Variants in ASF1B observed in about 807,000 individuals in gnomAD.
ASF1B encodes anti-silencing function 1B histone chaperone, also known as histone chaperone ASF1B.
ASF1B carries 10 observed loss-of-function variants against 16.6 expected under a neutral mutation model. That is an observed-to-expected ratio of 0.60 (90% CI 0.37 to 1.02). ASF1B has a LOEUF of 1.02. Ranked by LOEUF, ASF1B falls within the 50% of genes least tolerant of loss-of-function variation. The pLI is 0.01. For missense variants in ASF1B, 240 were observed against 266.0 expected, an observed-to-expected ratio of 0.90 and a Z score of 0.68; for synonymous variants, 101 against 106.2, an observed-to-expected ratio of 0.95 and a Z score of 0.30.
intron 1 of ASF1B, among the ~76,000 whole-genome samples, chr19:14,128,320 C>T (rs1409781210): frequency 2.0e-5 from 3 of 152,214 alleles, no homozygotes; most frequent in Non-Finnish European, 2.9e-5. Context: ...ACTACAGAGG[C>T]TTGTCACCTG....
At chr19:14,135,040 A>G (rs750679528) in intron 1 of ASF1B, among the ~76,000 whole-genome samples, 12 of 152,066 alleles carry the variant, frequency 7.9e-5, no homozygotes, top group South Asian at 2.1e-4. Context: ...CCTGGCTAAC[A>G]TGGTGAAACG....
intron 1 of ASF1B, among the ~76,000 whole-genome samples, chr19:14,128,721 A>G (rs1468731414): frequency 6.6e-6 from 1 of 152,140 alleles, no homozygotes; most frequent in African/African-American, 2.4e-5. Context: ...TGGCCTCCCA[A>G]AGTGCTGGAA....
intron 1 of ASF1B, among the ~76,000 whole-genome samples, chr19:14,132,189 C>T (rs1159856324): frequency 6.6e-6 from 1 of 151,856 alleles, no homozygotes; most frequent in African/African-American, 2.4e-5. Flanking sequence ...CACCAAGTCC[C>T]GTTAATTTTT....
chr19:14,128,961 A>G (rs934064413), intron 1 of ASF1B, among the ~76,000 whole-genome samples: 10 of 152,344 alleles, frequency 6.6e-5, no homozygotes, highest in African/African-American at 2.4e-4. Context: ...AAAAAAGACT[A>G]AAGTGTACCC....
chr19:14,130,002 C>G (rs1250505236), intron 1 of ASF1B, among the ~76,000 whole-genome samples: 1 of 151,642 alleles, frequency 6.6e-6, no homozygotes, highest in Non-Finnish European at 1.5e-5. Flanking sequence ...GAGACTCCAT[C>G]TCTACTAAAA....
rs1473832149 is a variant in ASF1B at position 14,119,986 on chromosome 19, C to G, written c.*473G>C. 2 of 156,092 alleles carry G rather than the reference C, an allele frequency of 1.3e-5. No homozygotes were observed. The highest frequency in any genetic ancestry group is 2.8e-5 in the Non-Finnish European group (2 of 70,528). 9.7% of individuals were successfully genotyped at this position (156,092 alleles called of 1,614,324 possible). On this transcript the variant is annotated 3_prime_UTR_variant, in exon 4 of 4. Coordinates refer to ENST00000263382, the MANE Select transcript of ASF1B (RefSeq NM_018154.3). ...CAGAAATGGGATCTAAGTCTACCTA[C>G]TAACTAACATTCCCGCCTGTGACAC...
chr19:14,122,832 G>A (rs1440640862), intron 2 of ASF1B, among the ~76,000 whole-genome samples: 1 of 152,180 alleles, frequency 6.6e-6, no homozygotes, highest in Non-Finnish European at 1.5e-5. Context: ...GGCCAGCTAA[G>A]GGATTGGGAA....
intron 2 of ASF1B, among the ~76,000 whole-genome samples, chr19:14,125,741 T>G (rs866138059): frequency 2.6e-5 from 4 of 152,170 alleles, no homozygotes; most frequent in Non-Finnish European, 4.4e-5. Flanking sequence ...TTTGTAGAGA[T>G]GCGGTCTCAC....
In ASF1B at chr19:14,120,436, T is replaced by G. The variant is rs1342633462; in HGVS notation, c.*23A>C. ...GGCCTGGTTGCCCCTCCCGGCGTGC[T>G]GGGACACTCTGGGTTCCTGCAGTTA... On this transcript the variant is annotated 3_prime_UTR_variant, in exon 4 of 4. Coordinates refer to ENST00000263382, the MANE Select transcript of ASF1B (RefSeq NM_018154.3). 1.2e-6 allele frequency: 2 copies of G among 1,610,928 alleles called. No homozygotes were observed. The highest frequency in any genetic ancestry group is 2.2e-5 in the East Asian group (1 of 44,842).
At chr19:14,125,628 T>C (rs1281478335) in intron 2 of ASF1B, among the ~76,000 whole-genome samples, 1 of 151,352 alleles carries the variant, frequency 6.6e-6, no homozygotes, top group Admixed American at 6.6e-5. Context: ...TCTTGGCTCA[T>C]TGTAGCTTCC....
At chr19:14,135,992 G>A (rs1229679567) in intron 1 of ASF1B, among the ~76,000 whole-genome samples, 3 of 151,820 alleles carry the variant, frequency 2.0e-5, no homozygotes, top group East Asian at 1.9e-4. Context: ...GAAAAAAGAT[G>A]GATGAGGTTC....
chr19:14,121,474 C>G, intron 3 of ASF1B, 58 bp downstream of exon 3: 1 of 1,555,764 alleles, frequency 6.4e-7, no homozygotes. Flanking sequence ...AATGGCTGAA[C>G]TCCCCCCAAG....
Position 14,136,525 on chromosome 19 carries a change from G to C in ASF1B, c.-69C>G. The stretch of plus-strand genomic sequence containing the variant: ...GTGGCGGAGGCCGCGCCTGGGTCCG[G>C]TGGGGTCAGTGGGGTAGGGCTGACC... On this transcript the variant is annotated 5_prime_UTR_variant, in exon 1 of 4. Transcript: ENST00000263382. 1.5e-6 allele frequency: 2 copies of C among 1,346,668 alleles called. No individual in the cohort carries two copies. The highest frequency in any genetic ancestry group is 2.0e-5 in the Admixed American group (1 of 50,840). 83.4% of individuals were successfully genotyped at this position (1,346,668 alleles called of 1,614,324 possible). A position where few individuals can be genotyped will look rare whatever the true frequency, so the allele number is the denominator to read the frequency against.
chr19:14,133,116 T>G (rs984912376), intron 1 of ASF1B, among the ~76,000 whole-genome samples: 23 of 146,176 alleles, frequency 1.6e-4, no homozygotes, highest in Admixed American at 4.1e-4. Flanking sequence ...CGAGACTCCA[T>G]CTCAAAAATA....
At chr19:14,126,584 G>C (rs528020979) in intron 1 of ASF1B, among the ~76,000 whole-genome samples, 96 of 152,102 alleles carry the variant, frequency 6.3e-4, no homozygotes, top group Non-Finnish European at 1.1e-3. Context: ...CGATTCTCCT[G>C]TCTCAGCCTA....
Position 14,136,526 on chromosome 19 carries a change from T to TG in ASF1B, c.-71dup, listed in dbSNP as rs140252988. The TG allele has an allele frequency of 0.074, 100,570 of 1,350,324 alleles. 4,678 individuals carry two copies. Among genetic ancestry groups the TG allele is most frequent in the Non-Finnish European group, 0.085 (82,437 of 965,926 alleles). The allele number at this position is 1,350,324 out of a possible 1,614,324, so 83.6% of individuals were successfully genotyped here. ...TGGCGGAGGCCGCGCCTGGGTCCGG[T>TG]GGGGTCAGTGGGGTAGGGCTGACCA... On this transcript the variant is annotated 5_prime_UTR_variant, in exon 1 of 4. Coordinates refer to ENST00000263382, the MANE Select transcript of ASF1B (RefSeq NM_018154.3).
intron 3 of ASF1B, 133 bp from the exon 4 acceptor site, chr19:14,120,798 TGGCCA>T (rs1178834332): frequency 2.9e-6 from 2 of 688,810 alleles, no homozygotes; most frequent in Admixed American, 6.1e-5. Context: ...AAAACACCTG[TGGCCA>T]GGACCTTATT....
At chr19:14,122,009 CA>C (rs1967246628) in intron 2 of ASF1B, among the ~76,000 whole-genome samples, 1 of 151,742 alleles carries the variant, frequency 6.6e-6, no homozygotes. Context: ...CGGCTCACTG[CA>C]ACCTCCGCCT....
chr19:14,131,731 G>A (rs944151398), intron 1 of ASF1B, among the ~76,000 whole-genome samples: 5 of 151,946 alleles, frequency 3.3e-5, no homozygotes, highest in Non-Finnish European at 5.9e-5. Context: ...TAATCTGCCC[G>A]CCTTGGTCTC....
Sources: allele counts gnomAD v4.1 joint callset (sites outside exome capture counted in the v4.1 genomes callset), GRCh38; gene constraint gnomAD v4.1.1; transcripts MANE v1.5; gene names NCBI Gene and HGNC (gene_info 2026-07-23, HGNC 2026-07-21).